The following ITPR1 variants were observed in gnomAD, a reference collection of about 807,000 sequenced individuals.
ITPR1 encodes inositol 1,4,5-trisphosphate receptor type 1, also known as inositol 1,4,5-trisphosphate-gated calcium channel ITPR1.
ITPR1 carries 96 observed loss-of-function variants against 318.4 expected under a neutral mutation model. That is an observed-to-expected ratio of 0.30 (90% CI 0.26 to 0.36). ITPR1 has a LOEUF of 0.36. Among genes scored for constraint, ITPR1 ranks in the 10% least tolerant of loss-of-function variants. ITPR1 has a pLI of 1.00. For synonymous variants in ITPR1, 1,312 were observed against 1,289.9 expected (o/e 1.02, Z -0.37); for missense variants, 2,440 against 3,460.2 (o/e 0.71, Z 7.40).
chr3:4,523,052 C>T (rs1301868919), intron 4 of ITPR1, among the ~76,000 whole-genome samples: 2 of 152,162 alleles, frequency 1.3e-5, no homozygotes, highest in African/African-American at 4.8e-5. Context: ...GGTTAAGAAC[C>T]ATGGCTAATG....
intron 40 of ITPR1, among the ~76,000 whole-genome samples, chr3:4,720,725 A>T (rs1261950783): frequency 6.6e-6 from 1 of 152,130 alleles, no homozygotes; most frequent in African/African-American, 2.4e-5. Flanking sequence ...CAGCCTGCAT[A>T]TGTTAACTCC....
intron 4 of ITPR1, among the ~76,000 whole-genome samples, chr3:4,608,807 G>A (rs1011509366): frequency 1.1e-4 from 16 of 151,650 alleles, no homozygotes; most frequent in Non-Finnish European, 5.9e-5. Flanking sequence ...TTTCCGACCA[G>A]CCTGGCCAAT....
At chr3:4,545,183 C>T (rs1325196164) in intron 4 of ITPR1, among the ~76,000 whole-genome samples, 2 of 152,164 alleles carry the variant, frequency 1.3e-5, no homozygotes, top group African/African-American at 4.8e-5. Flanking sequence ...GAGAGAAAAA[C>T]CCAAAATGAA....
intron 12 of ITPR1, among the ~76,000 whole-genome samples, chr3:4,657,478 T>A (rs1429888155): frequency 6.6e-6 from 1 of 151,418 alleles, no homozygotes; most frequent in African/African-American, 2.4e-5. Flanking sequence ...GATTTTTTTT[T>A]TTTTTTTGAG....
At chr3:4,639,506 G>A in intron 6 of ITPR1, 36 bp downstream of exon 6, 2 of 1,434,860 alleles carry the variant, frequency 1.4e-6, no homozygotes, top group African/African-American at 1.4e-5. Context: ...TGAAGCTGAA[G>A]CGTTACAAAG....
At chr3:4,688,046 C>T (rs13059562) in intron 30 of ITPR1, among the ~76,000 whole-genome samples, 63,088 of 151,928 alleles carry the variant, frequency 0.42, 14,191 homozygotes, top group Non-Finnish European at 0.53. Context: ...TTTTTGTTTA[C>T]TTTTAAAATT....
intron 2 of ITPR1, among the ~76,000 whole-genome samples, chr3:4,505,728 C>T (rs977100411): frequency 4.6e-5 from 7 of 152,278 alleles, no homozygotes; most frequent in East Asian, 1.9e-4. Flanking sequence ...GGAGGATAGA[C>T]GCAAAGGGTG....
At chr3:4,792,253 G>A (rs1050739301) in intron 52 of ITPR1, among the ~76,000 whole-genome samples, 1 of 152,112 alleles carries the variant, frequency 6.6e-6, no homozygotes, top group African/African-American at 2.4e-5. Context: ...AATCATACCT[G>A]CAAAGCCCCT....
intron 2 of ITPR1, among the ~76,000 whole-genome samples, chr3:4,512,768 T>G (rs949728252): frequency 3.9e-5 from 6 of 152,166 alleles, no homozygotes; most frequent in African/African-American, 1.4e-4. Context: ...CCACAGCCTC[T>G]TGAAGTTAAA....
chr3:4,586,707 C>T (rs1240810652), intron 4 of ITPR1, among the ~76,000 whole-genome samples: 1 of 149,546 alleles, frequency 6.7e-6, no homozygotes, highest in Non-Finnish European at 1.5e-5. Flanking sequence ...TGAGGTCTCC[C>T]TGTGTTGCCC....
Position 4,667,402 on chromosome 3 carries a change from T to G in ITPR1, c.1739T>G (p.Phe580Cys). The G allele has an allele frequency of 6.2e-7, 1 of 1,611,716 alleles. No individual in the cohort carries two copies. Among genetic ancestry groups the G allele is most frequent in the Non-Finnish European group, 8.5e-7 (1 of 1,178,854 alleles). ...GAGTATATAGCCAAGCAGTTTGGCTTCATGCAGAAGCAGATTGGCTATGAT... is the reference window on the plus strand; with the variant it reads ...GAGTATATAGCCAAGCAGTTTGGCTGCATGCAGAAGCAGATTGGCTATGAT... ...NQEYIAKQFG[F>C]MQKQIGYDVL... Residue 580 changes from phenylalanine (F) to cysteine (C), a missense_variant, in exon 18 of 62, where the codon TTC becomes TGC. Around this residue, in one of 23 missense-constraint regions of ITPR1, gnomAD observed 478 missense variants for 696.3 expected, o/e 0.69. Coordinates refer to ENST00000649015, the MANE Select transcript of ITPR1 (RefSeq NM_001378452.1).
chr3:4,612,922 A>G (rs2092221798), intron 4 of ITPR1, among the ~76,000 whole-genome samples: 1 of 152,208 alleles, frequency 6.6e-6, no homozygotes, highest in Admixed American at 6.5e-5. Flanking sequence ...CTGCTTATTA[A>G]TGTTTTAAAG....
chr3:4,508,144 G>T (rs1186660571), intron 2 of ITPR1, among the ~76,000 whole-genome samples: 1 of 152,156 alleles, frequency 6.6e-6, no homozygotes, highest in East Asian at 1.9e-4. Context: ...TTTAAGGTCA[G>T]ACTGTCAGTG....
At chr3:4,742,706 C>T (rs904724250) in intron 44 of ITPR1, among the ~76,000 whole-genome samples, 1 of 152,182 alleles carries the variant, frequency 6.6e-6, no homozygotes. Context: ...CATTCCTCCT[C>T]CCTCAGCCTC....
intron 55 of ITPR1, among the ~76,000 whole-genome samples, chr3:4,810,727 G>A (rs1043136505): frequency 2.0e-5 from 3 of 152,212 alleles, no homozygotes; most frequent in African/African-American, 4.8e-5. Flanking sequence ...TGGAGACTCA[G>A]AGGGGATGAG....
chr3:4,768,811 C>G (rs1357504638), intron 46 of ITPR1, 47 bp downstream of exon 46: 1 of 1,561,616 alleles, frequency 6.4e-7, no homozygotes, highest in East Asian at 2.3e-5. Context: ...GGAAAGGCTG[C>G]CAAGGCCTGC....
intron 4 of ITPR1, among the ~76,000 whole-genome samples, chr3:4,565,742 G>A (rs527959715): frequency 6.6e-6 from 1 of 152,264 alleles, no homozygotes; most frequent in African/African-American, 2.4e-5. Context: ...TATGCTAAGT[G>A]GAAATGTGAT....
In ITPR1 at chr3:4,499,404, T is replaced by G. The variant is rs562264685; in HGVS notation, c.-17+4898T>G. On this transcript the variant is annotated intron_variant, in intron 2 of 61. Coordinates refer to ENST00000649015, the MANE Select transcript of ITPR1 (RefSeq NM_001378452.1). ...AACATCTTTTTAATAAACAGACATCTGTGTCTCATTTTTCTAAATGTGCCT... is the reference window on the plus strand; with the variant it reads ...AACATCTTTTTAATAAACAGACATCGGTGTCTCATTTTTCTAAATGTGCCT... Among the ~76,000 whole-genome samples, 33 of 152,352 alleles carry G rather than the reference T, an allele frequency of 2.2e-4. 1 individual carries two copies. The South Asian group carries it at 6.0e-3, about 28-fold the overall frequency.
At chr3:4,757,891 G>A (rs967903500) in intron 44 of ITPR1, among the ~76,000 whole-genome samples, 2 of 152,146 alleles carry the variant, frequency 1.3e-5, no homozygotes, top group Non-Finnish European at 2.9e-5. Context: ...AGCCACTGGC[G>A]TTGCTCTGTC....
Sources: gnomAD v4.1 joint callset for allele counts (sites outside exome capture counted in the v4.1 genomes callset) on GRCh38, gnomAD v4.1.1 for gene constraint, gnomAD v4.1.1 regional missense constraint, MANE v1.5 for transcripts, NCBI Gene and HGNC (gene_info 2026-07-23, HGNC 2026-07-21) for gene names.